The following TTN variants were observed in gnomAD, a reference collection of about 807,000 sequenced individuals.
TTN encodes connectin.
In TTN, 1,525 loss-of-function variants were observed where a neutral mutation model predicts 3,223.0. The observed-to-expected ratio is 0.47, with a 90% CI of 0.45 to 0.49. The LOEUF is 0.49. TTN is among the 20% of genes least tolerant of loss of function. The probability of loss-of-function intolerance (pLI) is 0.00; values close to 1 mark genes in which losing one functional copy is unlikely to be tolerated. For synonymous variants in TTN, 14,094 were observed against 15,161.0 expected (o/e 0.93, Z 5.17); for missense variants, 40,786 against 43,424.0 (o/e 0.94, Z 5.40).
intron 110 of TTN, 88 bp from the exon 111 acceptor site, chr2:178,701,291 A>G: frequency 1.6e-6 from 2 of 1,247,358 alleles, no homozygotes; most frequent in South Asian, 2.9e-5. Context: ...TTCTTTCAGT[A>G]CTTCATAGGT....
In TTN at chr2:178,712,766, C is replaced by T; in HGVS notation, c.27259G>A (p.Gly9087Arg). 6.2e-7 allele frequency: 1 copy of T among 1,613,808 alleles called. No homozygotes were observed. Among genetic ancestry groups the T allele is most frequent in the Non-Finnish European group, 8.5e-7 (1 of 1,179,774 alleles). ...ELFDVDTSQS[G>R]EYTCIVSNEA... ...TTGCTAACTATGCAAGTATATTCTC[C>T]ACTTTGTGATGTATCTACATCGAAC... Residue 9087 changes from glycine (G) to arginine (R), a missense_variant, in exon 94 of 363, where the codon GGA becomes AGA. Coordinates refer to ENST00000589042, the MANE Select transcript of TTN (RefSeq NM_001267550.2).
chr2:178,701,709 T>C (rs2075033291), intron 109 of TTN, 122 bp from the exon 110 acceptor site: 5 of 955,844 alleles, frequency 5.2e-6, no homozygotes, highest in Non-Finnish European at 7.9e-6. Context: ...CAGAATCTAA[T>C]ATACAGACAA....
At chr2:178,778,507 A>C in intron 24 of TTN, 1 of 333,736 alleles carries the variant, frequency 3.0e-6, no homozygotes, top group Non-Finnish European at 5.7e-6. Flanking sequence ...GGCTGGATGA[A>C]TTAAGACAAT....
chr2:178,601,629 T>G (rs1270356801), intron 286 of TTN, 29 bp downstream of exon 286: 3 of 1,583,850 alleles, frequency 1.9e-6, no homozygotes, highest in Non-Finnish European at 2.6e-6. Flanking sequence ...TTGTTTTTAT[T>G]CTGTAGCAAC....
chr2:178,803,331 C>T (rs901440075), intron 2 of TTN, among the ~76,000 whole-genome samples: 30 of 152,022 alleles, frequency 2.0e-4, no homozygotes, highest in African/African-American at 7.0e-4. Flanking sequence ...AGCCAGATTC[C>T]ACTACTTCTC....
Position 178,527,132 on chromosome 2 carries a change from G to GTCA in TTN, c.107853_107855dup (p.Asp35952dup). The GTCA allele has an allele frequency of 1.9e-6, 3 of 1,613,926 alleles. No individual in the cohort carries two copies. Among genetic ancestry groups the GTCA allele is most frequent in the Non-Finnish European group, 2.5e-6 (3 of 1,179,870 alleles). On this transcript the variant is annotated inframe_insertion, in exon 363 of 363. Coordinates refer to ENST00000589042, the MANE Select transcript of TTN (RefSeq NM_001267550.2). Reference sequence around the variant, plus strand: ...CGTCCATGATGATCAGGGTTGTCAGGTCATCTGTGTTTTCAATGTGGAACC... The same window carrying GTCA: ...CGTCCATGATGATCAGGGTTGTCAGGTCATCATCTGTGTTTTCAATGTGGAACC...
At chr2:178,695,578 A>C (rs2073538847) in intron 114 of TTN, among the ~76,000 whole-genome samples, 168 bp from the exon 115 acceptor site, 1 of 152,046 alleles carries the variant, frequency 6.6e-6, no homozygotes, top group South Asian at 2.1e-4. Context: ...AAGCAGGATC[A>C]AGCAGAGATG....
Position 178,590,651 on chromosome 2 carries a change from T to G in TTN, c.61074A>C (p.Pro20358=), listed in dbSNP as rs765891562. The G allele has an allele frequency of 6.2e-7, 1 of 1,613,220 alleles. No individual in the cohort carries two copies. Among genetic ancestry groups the G allele is most frequent in the South Asian group, 1.1e-5 (1 of 91,042 alleles). ...GGCAAGCTTTTATTGGATCAGAACT[T>G]GGGGATGGTTTGCTTAGTCCTGCAA... The part of the protein sequence containing the change: ...ENLAGLSKPS[P]SSDPIKACRP... Residue 20358 remains proline, a synonymous_variant, in exon 304 of 363, where the codon CCA becomes CCC. Transcript: ENST00000589042.
chr2:178,615,881 G>T, intron 257 of TTN, 93 bp from the exon 258 acceptor site: 1 of 1,359,692 alleles, frequency 7.4e-7, no homozygotes, highest in Non-Finnish European at 9.9e-7. Flanking sequence ...ACAAACTGCA[G>T]TTGTTTTGAA....
chr2:178,756,298 G>A lies in TTN; in HGVS notation c.11178C>T (p.Asp3726=), dbSNP rs777325797. ...GTACAATGCAGCTGTATAGTCCTTG[G>A]TCTACCAGCTGAACATTACATATGG... is the stretch of plus-strand genomic sequence containing the variant. ...FLTICNVQLV[D]QGLYSCIVHN... is the part of the protein sequence containing the mutation. The change falls in exon 46 of 363, where the codon GAC becomes GAT. Residue 3726 remains aspartate (D), a synonymous_variant. Transcript: ENST00000589042. 6.2e-7 allele frequency: 1 copy of A among 1,613,746 alleles called. No homozygotes were observed. The highest frequency in any genetic ancestry group is 8.5e-7 in the Non-Finnish European group (1 of 1,179,704).
At chr2:178,701,847 C>T (rs1442049214) in intron 109 of TTN, among the ~76,000 whole-genome samples, 193 bp downstream of exon 109, 2 of 152,148 alleles carry the variant, frequency 1.3e-5, no homozygotes, top group Non-Finnish European at 2.9e-5. Flanking sequence ...CTTATTATCT[C>T]TAATTTGCCA....
At position 178,720,405 on chromosome 2, in the gene TTN, G is replaced by T. The variant is rs794729628; in HGVS notation, c.23357C>A (p.Ser7786Tyr). 3.7e-6 allele frequency: 6 copies of T among 1,612,766 alleles called. No homozygotes were observed. Among genetic ancestry groups the T allele is most frequent in the Non-Finnish European group, 5.1e-6 (6 of 1,179,280 alleles). Residue 7786 changes from serine to tyrosine, a missense_variant, in exon 80 of 363, where the codon TCT becomes TAT. Transcript: ENST00000589042. ...CAAACCTTTGAACTTGACAGAGCAAGAACACGTGTCACTTCCCACCTCATT... is the reference window on the plus strand; with the variant it reads ...CAAACCTTTGAACTTGACAGAGCAATAACACGTGTCACTTCCCACCTCATT... ...ATNEVGSDTC[S>Y]CSVKFKEPPR... is the part of the protein sequence containing the mutation.
intron 13 of TTN, 77 bp downstream of exon 13, chr2:178,789,283 C>T (rs2093365753): frequency 3.2e-6 from 5 of 1,575,676 alleles, no homozygotes; most frequent in Admixed American, 1.7e-5. Context: ...TAATGTATTA[C>T]AATAAGGAAT....
intron 121 of TTN, among the ~76,000 whole-genome samples, chr2:178,691,114 G>A (rs1460322313): frequency 2.0e-5 from 3 of 152,150 alleles, no homozygotes; most frequent in African/African-American, 7.2e-5. Context: ...CCAAGAGTTT[G>A]AGAAAGAGAG....
In TTN at chr2:178,590,772, A is replaced by G. The variant is rs1559584844; in HGVS notation, c.60953T>C (p.Val20318Ala). 8 of 1,606,926 alleles carry G rather than the reference A, an allele frequency of 5.0e-6. No homozygotes were observed. The highest frequency in any genetic ancestry group is 6.8e-6 in the Non-Finnish European group (8 of 1,174,710). The change falls in exon 304 of 363, where the codon GTG becomes GCG. Residue 20318 changes from valine to alanine, a missense_variant. By Grantham distance (64) the Val-to-Ala change is moderately conservative (BLOSUM62 0). Transcript: ENST00000589042. ...AGCGATAGGTGTTTTGTTGACCCTC[A>G]CCCATTTGCCAGTTACTTCTCGACG... ...MERREVTGKWVRVNKTPIADL... is the reference protein window; with the variant it reads ...MERREVTGKWARVNKTPIADL...
intron 156 of TTN, 103 bp downstream of exon 156, chr2:178,670,987 A>T (rs930964789): frequency 1.2e-6 from 1 of 830,762 alleles, no homozygotes; most frequent in Non-Finnish European, 1.9e-6. Context: ...GAAACAAGAA[A>T]TACAGAAGAA....
chr2:178,575,642 G>A lies in TTN; in HGVS notation c.70490C>T (p.Thr23497Ile). 1 of 1,613,610 alleles carries A rather than the reference G, an allele frequency of 6.2e-7. No individual in the cohort carries two copies. The highest frequency in any genetic ancestry group is 8.5e-7 in the Non-Finnish European group (1 of 1,179,650). Residue 23497 changes from threonine (T) to isoleucine (I), a missense_variant, in exon 326 of 363, where the codon ACC becomes ATC. By Grantham distance (89) the Thr-to-Ile change is moderately conservative. Coordinates refer to ENST00000589042, the MANE Select transcript of TTN (RefSeq NM_001267550.2). This position sits in a 1 kb window ranked among gnomAD's most constrained non-coding sequence, Gnocchi z 4.0. The stretch of plus-strand genomic sequence containing the variant: ...ATATTCACACCCTTCAGACAAGCCG[G>A]TAACTTTATATGTGCATTTATGGCA... ...TKCHKCTYKV[T>I]GLSEGCEYFF... is the part of the protein sequence containing the mutation.
intron 261 of TTN, 39 bp from the exon 262 acceptor site, chr2:178,614,387 C>T: frequency 6.3e-7 from 1 of 1,578,248 alleles, no homozygotes; most frequent in South Asian, 1.2e-5. Context: ...AAAAATTGTT[C>T]ACCATTTTTT....
rs946428737 is a variant in TTN at position 178,733,498 on chromosome 2, C to T, written c.15795G>A (p.Glu5265=). The T allele has an allele frequency of 1.2e-6, 2 of 1,610,728 alleles. No individual in the cohort carries two copies. The highest frequency in any genetic ancestry group is 8.5e-7 in the Non-Finnish European group (1 of 1,177,788). Residue 5265 remains glutamate (E), a synonymous_variant, in exon 54 of 363, where the codon GAG becomes GAA. Transcript: ENST00000589042. ...LIVKEPAKII[E]RAELIQVTAG... is the part of the protein sequence containing the mutation. ...CTGTCACCTGGATCAGTTCTGCTCGCTCAATGATTTTGGCAGGTTCTACAA... is the reference window on the plus strand; with the variant it reads ...CTGTCACCTGGATCAGTTCTGCTCGTTCAATGATTTTGGCAGGTTCTACAA...
Sources: gnomAD v4.1 joint callset for allele counts (sites outside exome capture counted in the v4.1 genomes callset) on GRCh38, gnomAD v4.1.1 for gene constraint, Gnocchi (gnomAD v3.1) non-coding constraint, MANE v1.5 for transcripts, NCBI Gene and HGNC (gene_info 2026-07-23, HGNC 2026-07-21) for gene names.